ELP4: variants seen among roughly 807,000 people sequenced by gnomAD.
The protein encoded by ELP4 is elongator complex protein 4.
ELP4 carries 51 observed loss-of-function variants against 48.9 expected under a neutral mutation model. That is an observed-to-expected ratio of 1.04 (90% CI 0.83 to 1.32). The LOEUF (loss-of-function observed/expected upper bound fraction) is 1.32. Ranked by LOEUF, ELP4 falls within the 40% of genes most tolerant of loss-of-function variation. ELP4 has a pLI of 0.00. For synonymous variants in ELP4, 210 were observed against 189.2 expected, an observed-to-expected ratio of 1.11 and a Z score of -0.90; for missense variants, 519 against 514.6, an observed-to-expected ratio of 1.01 and a Z score of -0.08.
Position 31,788,095 on chromosome 11 carries a change from A to G in ELP4, c.*4571A>G, listed in dbSNP as rs1029065786. 73 of 223,378 alleles carry G rather than the reference A, an allele frequency of 3.3e-4. No homozygotes were observed. The highest frequency in any genetic ancestry group is 5.6e-4 in the Non-Finnish European group (63 of 111,710). 13.8% of individuals were successfully genotyped at this position (223,378 alleles called of 1,614,324 possible). The stretch of plus-strand genomic sequence containing the variant: ...GTCTCAGACAGTCCTTTTTTACCCA[A>G]CAAAGGCTTATTTTTTTCCATCCTT... On this transcript the variant is annotated 3_prime_UTR_variant, in exon 10 of 10. Coordinates refer to ENST00000640961, the MANE Select transcript of ELP4 (RefSeq NM_019040.5).
rs928436548 is a variant in ELP4, at chr11:31,706,775, A to G, written c.1143+56554A>G. 5.9e-5 allele frequency among the ~76,000 whole-genome samples: 9 copies of G among 151,904 alleles called. No homozygotes were observed. The East Asian group carries it at 1.7e-3, about 29-fold the overall frequency. On this transcript the variant is annotated intron_variant, in intron 9 of 9. Coordinates refer to ENST00000640961, the MANE Select transcript of ELP4 (RefSeq NM_019040.5). Reference sequence around the variant, plus strand: ...ATCTAGTACCTGTGTTCTACTTTTTATAATACTTCTATGACATGAACATTT... The same window carrying G: ...ATCTAGTACCTGTGTTCTACTTTTTGTAATACTTCTATGACATGAACATTT...
At chr11:31,579,089 A>T (rs1957339065) in intron 3 of ELP4, among the ~76,000 whole-genome samples, 1 of 152,238 alleles carries the variant, frequency 6.6e-6, no homozygotes, top group Admixed American at 6.5e-5. Flanking sequence ...AAACAAATTT[A>T]CAGAAAAAAT....
At chr11:31,762,393 C>A (rs1039838975) in intron 9 of ELP4, among the ~76,000 whole-genome samples, 3 of 152,014 alleles carry the variant, frequency 2.0e-5, no homozygotes, top group Non-Finnish European at 4.4e-5. Context: ...TTACAGAAAT[C>A]TACATTTTAT....
At position 31,645,475 on chromosome 11, in the gene ELP4, A is replaced by G. The variant is rs1209749784; in HGVS notation, c.928-2266A>G. Among the ~76,000 whole-genome samples, 11 of 151,934 alleles carry G rather than the reference A, an allele frequency of 7.2e-5. No individual in the cohort carries two copies. The East Asian group carries it at 2.1e-3, about 30-fold the overall frequency. The stretch of plus-strand genomic sequence containing the variant: ...ATACACAGTACTTTGCTTATGTACT[A>G]TCAGAATGGAAATTTATCTCATCTT... On this transcript the variant is annotated intron_variant, in intron 7 of 9. Transcript: ENST00000640961.
At chr11:31,707,402 G>A (rs1946656562) in intron 9 of ELP4, 2 of 163,386 alleles carry the variant, frequency 1.2e-5, no homozygotes, top group African/African-American at 4.8e-5. Flanking sequence ...AATCATCTTG[G>A]TATGTTGTAA....
chr11:31,581,584 G>T (rs562200052), intron 3 of ELP4, among the ~76,000 whole-genome samples: 4 of 152,024 alleles, frequency 2.6e-5, no homozygotes, highest in African/African-American at 9.7e-5. Flanking sequence ...GATTTTCTCT[G>T]TATTCCTTCT....
At chr11:31,669,513 A>T (rs1402359159) in intron 9 of ELP4, among the ~76,000 whole-genome samples, 1 of 152,194 alleles carries the variant, frequency 6.6e-6, no homozygotes, top group East Asian at 1.9e-4. Context: ...TAGGTTAGAT[A>T]GCCTACCTCT....
At chr11:31,633,399 A>G (rs1944906796) in intron 7 of ELP4, 1 of 152,106 alleles carries the variant, frequency 6.6e-6, no homozygotes, top group Non-Finnish European at 1.5e-5. Context: ...CCAGGGTAAC[A>G]TAGCAAGTCC....
intron 3 of ELP4, among the ~76,000 whole-genome samples, chr11:31,566,852 T>C (rs1957119456): frequency 6.6e-6 from 1 of 152,176 alleles, no homozygotes; most frequent in African/African-American, 2.4e-5. Context: ...ATATCACACC[T>C]GTCTATAAAA....
At chr11:31,534,166 G>GA (rs1203417454) in intron 2 of ELP4, among the ~76,000 whole-genome samples, 2 of 152,120 alleles carry the variant, frequency 1.3e-5, no homozygotes, top group Non-Finnish European at 2.9e-5. Context: ...ATGACTCGTG[G>GA]AATGACATTA....
intron 7 of ELP4, among the ~76,000 whole-genome samples, chr11:31,637,090 A>G (rs546192691): frequency 1.3e-5 from 2 of 151,962 alleles, no homozygotes; most frequent in South Asian, 2.1e-4. Context: ...GAGCAGAACT[A>G]TGGACGGCTC....
intron 3 of ELP4, among the ~76,000 whole-genome samples, chr11:31,543,212 C>T (rs1232119383): frequency 1.3e-5 from 2 of 152,144 alleles, no homozygotes; most frequent in Non-Finnish European, 2.9e-5. Flanking sequence ...TAGTACACAA[C>T]AAATATTTGA....
At chr11:31,763,371 A>T in intron 9 of ELP4, 1 of 1,544,046 alleles carries the variant, frequency 6.5e-7, no homozygotes, top group South Asian at 1.2e-5. Flanking sequence ...CTTCAAAATT[A>T]CTGTTGACTA....
chr11:31,587,083 C>T (rs939068800), intron 3 of ELP4, among the ~76,000 whole-genome samples: 8 of 152,194 alleles, frequency 5.3e-5, no homozygotes, highest in African/African-American at 1.7e-4. Flanking sequence ...TATTCTTTCC[C>T]TCTGTTTTCT....
At chr11:31,520,679 G>A (rs577138364) in intron 2 of ELP4, among the ~76,000 whole-genome samples, 2 of 152,056 alleles carry the variant, frequency 1.3e-5, no homozygotes. Context: ...TCATGTATCT[G>A]TAACATATCT....
intron 9 of ELP4, among the ~76,000 whole-genome samples, chr11:31,756,517 A>T (rs1947835310): frequency 6.6e-6 from 1 of 152,212 alleles, no homozygotes; most frequent in South Asian, 2.1e-4. Flanking sequence ...TGACTGGAGC[A>T]GTACCTTCTC....
intron 9 of ELP4, among the ~76,000 whole-genome samples, chr11:31,761,290 A>C (rs1011402054): frequency 1.3e-5 from 2 of 151,348 alleles, no homozygotes; most frequent in East Asian, 3.9e-4. Flanking sequence ...GTGAGCCATG[A>C]TTGCACGACT....
intron 3 of ELP4, among the ~76,000 whole-genome samples, chr11:31,552,068 T>C (rs1956862504): frequency 6.6e-6 from 1 of 152,192 alleles, no homozygotes; most frequent in Non-Finnish European, 1.5e-5. Context: ...AGGCCTCATC[T>C]GACTTGCCTC....
chr11:31,662,465 G>C, intron 9 of ELP4: 1 of 395,378 alleles, frequency 2.5e-6, no homozygotes, highest in Admixed American at 4.4e-5. Context: ...TGTTGTTGTT[G>C]TTTTAATACA....
Sources: gnomAD v4.1 joint callset for allele counts (sites outside exome capture counted in the v4.1 genomes callset) on GRCh38, gnomAD v4.1.1 for gene constraint, MANE v1.5 for transcripts, NCBI Gene and HGNC (gene_info 2026-07-23, HGNC 2026-07-21) for gene names.